Variants in SMIM31 observed in about 807,000 individuals in gnomAD.
The protein encoded by SMIM31 is human epithelial cell program regulator.
At chr4:164,768,467 T>A (rs189433258) in intron 1 of SMIM31, among the ~76,000 whole-genome samples, 11 of 149,972 alleles carry the variant, frequency 7.3e-5, no homozygotes. Context: ...GTAACCAGGT[T>A]GCCAGAGGAA....
At chr4:164,765,642 A>AT (rs1732710579) in intron 1 of SMIM31, among the ~76,000 whole-genome samples, 1 of 150,568 alleles carries the variant, frequency 6.6e-6, no homozygotes, top group Non-Finnish European at 1.5e-5. Context: ...AAAAAAAAAA[A>AT]GGCAGATAAA....
At chr4:164,763,518 A>G (rs1042813479) in intron 1 of SMIM31, among the ~76,000 whole-genome samples, 4 of 152,248 alleles carry the variant, frequency 2.6e-5, no homozygotes, top group Non-Finnish European at 5.9e-5. Context: ...AATCTGCAAT[A>G]GTGAATTAAA....
intron 2 of SMIM31, among the ~76,000 whole-genome samples, chr4:164,777,447 T>C: frequency 6.6e-6 from 1 of 152,178 alleles, no homozygotes. Flanking sequence ...TTAGAAGAGA[T>C]TAGTATAACA....
At chr4:164,754,768 G>A (rs1040669291) in intron 1 of SMIM31, among the ~76,000 whole-genome samples, 4 of 150,598 alleles carry the variant, frequency 2.7e-5, no homozygotes, top group East Asian at 2.0e-4. Flanking sequence ...TAAATCATAC[G>A]ATTTCACTCA....
intron 2 of SMIM31, among the ~76,000 whole-genome samples, chr4:164,793,311 A>G (rs971194403): frequency 2.6e-5 from 4 of 152,182 alleles, no homozygotes; most frequent in Non-Finnish European, 5.9e-5. Flanking sequence ...TCGGTATCCC[A>G]CAATAACTCA....
chr4:164,760,662 C>A (rs992946509), intron 1 of SMIM31, among the ~76,000 whole-genome samples: 1 of 145,480 alleles, frequency 6.9e-6, no homozygotes, highest in East Asian at 2.1e-4. Context: ...ATCACTGGAA[C>A]CTGGAAAGTG....
intron 1 of SMIM31, among the ~76,000 whole-genome samples, chr4:164,769,778 A>T (rs1013360794): frequency 6.6e-6 from 1 of 151,976 alleles, no homozygotes; most frequent in African/African-American, 2.4e-5. Flanking sequence ...ATCAATCCAC[A>T]TAATGCTTTT....
intron 2 of SMIM31, among the ~76,000 whole-genome samples, chr4:164,797,152 G>A (rs1441016689): frequency 2.6e-5 from 4 of 152,110 alleles, no homozygotes; most frequent in Non-Finnish European, 2.9e-5. Context: ...TTCTTAATAA[G>A]CTTTACGCTC....
intron 1 of SMIM31, among the ~76,000 whole-genome samples, chr4:164,758,651 T>TTTTTTTGG (rs1732601206): frequency 6.9e-6 from 1 of 144,202 alleles, no homozygotes. Flanking sequence ...TTTTTTTTTT[T>TTTTTTTGG]GAGACGGAGT....
intron 2 of SMIM31, among the ~76,000 whole-genome samples, chr4:164,779,652 A>G (rs1732922347): frequency 6.6e-6 from 1 of 152,144 alleles, no homozygotes; most frequent in Non-Finnish European, 1.5e-5. Context: ...AGGTCTTCCT[A>G]TTTATCTCAA....
chr4:164,797,077 C>G (rs1733207113), intron 2 of SMIM31, among the ~76,000 whole-genome samples: 1 of 152,142 alleles, frequency 6.6e-6, no homozygotes, highest in Non-Finnish European at 1.5e-5. Flanking sequence ...TTGGACGACT[C>G]TTTTAGTTAA....
chr4:164,774,348 C>A (rs1456409987), intron 2 of SMIM31, among the ~76,000 whole-genome samples: 9 of 152,132 alleles, frequency 5.9e-5, no homozygotes. Flanking sequence ...AGATAAAAAT[C>A]TGATGTAAGG....
intron 2 of SMIM31, among the ~76,000 whole-genome samples, chr4:164,788,530 C>A (rs1300431153): frequency 1.0e-5 from 1 of 99,670 alleles, no homozygotes; most frequent in Non-Finnish European, 1.9e-5. Flanking sequence ...GCTCTGGTTG[C>A]CCAGACTGGA....
At chr4:164,788,228 C>T (rs541484972) in intron 2 of SMIM31, among the ~76,000 whole-genome samples, 9 of 152,248 alleles carry the variant, frequency 5.9e-5, no homozygotes, top group Non-Finnish European at 1.0e-4. Context: ...TAATTGCTCC[C>T]TCTAACCCTT....
chr4:164,778,321 C>T (rs4383581), intron 2 of SMIM31, among the ~76,000 whole-genome samples: 81,046 of 151,644 alleles, frequency 0.53, 22,161 homozygotes, highest in African/African-American at 0.63. Context: ...CCCAGGTAAA[C>T]AGATTAAAAA....
chr4:164,792,418 A>G (rs1733114111), intron 2 of SMIM31, among the ~76,000 whole-genome samples: 1 of 152,198 alleles, frequency 6.6e-6, no homozygotes, highest in South Asian at 2.1e-4. Context: ...AATTTTGCCA[A>G]TAAATCATTA....
chr4:164,773,933 G>A (rs180924958), intron 2 of SMIM31, among the ~76,000 whole-genome samples: 24 of 152,220 alleles, frequency 1.6e-4, no homozygotes, highest in Admixed American at 1.2e-3. Flanking sequence ...TTGGGAGGCC[G>A]AGGCGGGCGG....
chr4:164,799,880 T>C (rs1733260311), intron 2 of SMIM31, among the ~76,000 whole-genome samples: 2 of 152,202 alleles, frequency 1.3e-5, no homozygotes, highest in Admixed American at 6.5e-5. Flanking sequence ...TGAAGATAAG[T>C]GGTGCTAATT....
intron 2 of SMIM31, among the ~76,000 whole-genome samples, chr4:164,773,688 G>T (rs1025904001): frequency 6.6e-6 from 1 of 152,146 alleles, no homozygotes; most frequent in African/African-American, 2.4e-5. Context: ...GGGTGGATGG[G>T]GACACAGCCA....
Sources: allele counts gnomAD v4.1 joint callset (sites outside exome capture counted in the v4.1 genomes callset), GRCh38; gene constraint gnomAD v4.1.1; transcripts MANE v1.5; gene names NCBI Gene and HGNC (gene_info 2026-07-23, HGNC 2026-07-21).